Variants in NUCB2 observed in about 807,000 individuals in gnomAD.
The protein encoded by NUCB2 is nucleobindin 2.
Under a neutral mutation model 57.9 loss-of-function variants are expected in NUCB2, and 48 were observed. That is an observed-to-expected ratio of 0.83 (90% CI 0.66 to 1.05). The LOEUF (loss-of-function observed/expected upper bound fraction) is 1.05, where lower values mean the gene tolerates loss of function less well. NUCB2 is among the 50% of genes least tolerant of loss of function. The pLI, the probability that NUCB2 is intolerant of heterozygous loss-of-function variation, is 0.00. For synonymous variants in NUCB2, 139 were observed against 152.1 expected, an observed-to-expected ratio of 0.91 and a Z score of 0.64; for missense variants, 442 against 476.2, an observed-to-expected ratio of 0.93 and a Z score of 0.67.
chr11:17,292,785 C>T (rs904223089), intron 2 of NUCB2, among the ~76,000 whole-genome samples: 12 of 152,060 alleles, frequency 7.9e-5, no homozygotes, highest in Non-Finnish European at 1.2e-4. Context: ...AGAGTTGATG[C>T]GTTAATATAT....
At chr11:17,309,182 G>A (rs1449146502) in intron 5 of NUCB2, among the ~76,000 whole-genome samples, 5 of 151,932 alleles carry the variant, frequency 3.3e-5, no homozygotes, top group African/African-American at 4.8e-5. Flanking sequence ...TTAGCCAGGC[G>A]TAGTGGTGCA....
chr11:17,323,293 T>C (rs976257678), intron 11 of NUCB2, among the ~76,000 whole-genome samples: 2 of 152,236 alleles, frequency 1.3e-5, no homozygotes, highest in Non-Finnish European at 2.9e-5. Context: ...CATGAAGGGA[T>C]GTTGAATTTT....
chr11:17,288,853 C>A (rs576173494), intron 2 of NUCB2, among the ~76,000 whole-genome samples: 1 of 140,638 alleles, frequency 7.1e-6, no homozygotes, highest in South Asian at 2.3e-4. Flanking sequence ...CCGTGCCTGG[C>A]CCTTAAAGTC....
chr11:17,285,194 A>G lies in NUCB2; in HGVS notation c.-1+2251A>G, dbSNP rs374952503. Among the ~76,000 whole-genome samples, 70 of 151,642 alleles carry G rather than the reference A, an allele frequency of 4.6e-4. 1 individual carries two copies. The East Asian group carries it at 6.0e-3, about 13-fold the overall frequency. The stretch of plus-strand genomic sequence containing the variant: ...TGTAATCCCAGCACTTTGGGAGGCC[A>G]AGGCGGGCAGATCACAAGGTCAGGA... On this transcript the variant is annotated intron_variant, in intron 2 of 13. Coordinates refer to ENST00000529010, the MANE Select transcript of NUCB2 (RefSeq NM_005013.4).
intron 11 of NUCB2, among the ~76,000 whole-genome samples, chr11:17,327,082 A>G (rs2139379551): frequency 6.6e-6 from 1 of 152,140 alleles, no homozygotes; most frequent in East Asian, 1.9e-4. Flanking sequence ...GCCACCTGAG[A>G]CAGAGTCTTG....
chr11:17,295,899 C>T, intron 3 of NUCB2, among the ~76,000 whole-genome samples: 1 of 152,146 alleles, frequency 6.6e-6, no homozygotes, highest in South Asian at 2.1e-4. Context: ...AAAGAAAAAT[C>T]TACCTTTAAG....
rs1174546606 is a variant in NUCB2 at position 17,310,870 on chromosome 11, T to C, written c.529T>C (p.Phe177Leu). ...EHYDKTRHEE[F>L]KKYEMMKEHE... The stretch of plus-strand genomic sequence containing the variant: ...CTATGACAAGACTCGTCATGAAGAA[T>C]TTAAAAAATATGAAATGATGAAGGA... The change falls in exon 7 of 14, where the codon TTT (phenylalanine) becomes CTT (leucine). Residue 177 changes from phenylalanine (F) to leucine (L), a missense_variant. Transcript: ENST00000529010. 1.3e-6 allele frequency: 2 copies of C among 1,593,266 alleles called. No individual in the cohort carries two copies. Among genetic ancestry groups the C allele is most frequent in the Non-Finnish European group, 8.5e-7 (1 of 1,175,054 alleles).
chr11:17,281,841 A>C (rs1000930366), intron 1 of NUCB2, among the ~76,000 whole-genome samples: 1 of 151,870 alleles, frequency 6.6e-6, no homozygotes, highest in Non-Finnish European at 1.5e-5. Context: ...TTAAAATTTG[A>C]AAATATTTTA....
chr11:17,315,320 T>G, intron 10 of NUCB2, 66 bp from the exon 11 acceptor site: 3 of 823,588 alleles, frequency 3.6e-6, no homozygotes, highest in South Asian at 4.3e-5. Flanking sequence ...TACAAGACAG[T>G]TGATAGTGTC....
At chr11:17,301,219 C>T (rs1159502267) in intron 4 of NUCB2, among the ~76,000 whole-genome samples, 4 of 150,134 alleles carry the variant, frequency 2.7e-5, no homozygotes, top group South Asian at 2.1e-4. Flanking sequence ...GTGATCTGCC[C>T]GCCTTGGTCT....
chr11:17,308,038 T>A (rs1947956200), intron 5 of NUCB2, among the ~76,000 whole-genome samples: 1 of 152,182 alleles, frequency 6.6e-6, no homozygotes. Flanking sequence ...CTGGTCATTT[T>A]TTTTAGGGCT....
intron 2 of NUCB2, among the ~76,000 whole-genome samples, chr11:17,347,580 G>T (rs1952845222): frequency 1.3e-5 from 2 of 151,950 alleles, no homozygotes; most frequent in African/African-American, 4.8e-5. Flanking sequence ...TATCAAATTT[G>T]GGAAATTTAA....
intron 1 of NUCB2, among the ~76,000 whole-genome samples, chr11:17,280,666 A>G (rs1942372060): frequency 6.6e-6 from 1 of 152,240 alleles, no homozygotes; most frequent in Admixed American, 6.5e-5. Context: ...TGTTGGATGC[A>G]TTGCTTTCAT....
chr11:17,307,363 A>G (rs959880891), intron 5 of NUCB2, among the ~76,000 whole-genome samples: 1 of 150,912 alleles, frequency 6.6e-6, no homozygotes, highest in African/African-American at 2.4e-5. Context: ...TATGTTGTCC[A>G]GGCTGGTCTT....
chr11:17,285,508 C>T lies in NUCB2; in HGVS notation c.-1+2565C>T, dbSNP rs1191539691. On this transcript the variant is annotated intron_variant, in intron 2 of 13. Transcript: ENST00000529010. ...AGGAGAATTGCTTAAACCCAGGAGG[C>T]GGAGGTTGCAGTGAGCTGAGATTGC... Among the ~76,000 whole-genome samples, 15 of 150,212 alleles carry T rather than the reference C, an allele frequency of 1.0e-4. 1 individual carries two copies. The highest frequency in any genetic ancestry group is 3.4e-4 in the Admixed American group (5 of 14,896).
At chr11:17,337,965 C>T (rs931315193) in intron 2 of NUCB2, among the ~76,000 whole-genome samples, 3 of 152,106 alleles carry the variant, frequency 2.0e-5, no homozygotes, top group Non-Finnish European at 2.9e-5. Flanking sequence ...GACCTAATAT[C>T]GTTAGTAGAA....
intron 1 of NUCB2, among the ~76,000 whole-genome samples, chr11:17,279,176 G>T (rs187741325): frequency 1.3e-4 from 20 of 152,284 alleles, no homozygotes; most frequent in African/African-American, 4.6e-4. Flanking sequence ...TGGGCAACTA[G>T]AGTGAAACTA....
At chr11:17,325,228 A>G (rs981188427) in intron 11 of NUCB2, among the ~76,000 whole-genome samples, 7 of 151,896 alleles carry the variant, frequency 4.6e-5, no homozygotes, top group African/African-American at 1.7e-4. Context: ...ATTATGTCCA[A>G]TGTTACTTTG....
At chr11:17,301,654 C>A in intron 4 of NUCB2, 90 bp from the exon 5 acceptor site, 1 of 812,550 alleles carries the variant, frequency 1.2e-6, no homozygotes, top group Non-Finnish European at 2.0e-6. Flanking sequence ...GTATTTATCA[C>A]TAATGTATTG....
Sources: allele counts gnomAD v4.1 joint callset (sites outside exome capture counted in the v4.1 genomes callset), GRCh38; gene constraint gnomAD v4.1.1; transcripts MANE v1.5; gene names NCBI Gene and HGNC (gene_info 2026-07-23, HGNC 2026-07-21).